Variants in PDLIM5 observed in about 807,000 individuals in gnomAD.
PDLIM5 encodes PDZ and LIM domain 5.
PDLIM5 carries 34 observed loss-of-function variants against 64.2 expected under a neutral mutation model. The observed-to-expected ratio is 0.53, with a 90% confidence interval of 0.40 to 0.71. The LOEUF is 0.71. Among genes scored for constraint, PDLIM5 ranks in the 30% least tolerant of loss-of-function variants. The probability of loss-of-function intolerance (pLI) is 0.00; values close to 1 mark genes in which losing one functional copy is unlikely to be tolerated. For synonymous variants in PDLIM5, 253 were observed against 269.1 expected, an observed-to-expected ratio of 0.94 and a Z score of 0.59; for missense variants, 683 against 733.6, an observed-to-expected ratio of 0.93 and a Z score of 0.80.
chr4:94,456,187 G>C (rs1723333531), intron 2 of PDLIM5: 2 of 441,206 alleles, frequency 4.5e-6, no homozygotes, highest in South Asian at 8.6e-5. Flanking sequence ...TTACTCAAAT[G>C]GTGGCATATT....
intron 9 of PDLIM5, among the ~76,000 whole-genome samples, chr4:94,652,558 C>T (rs1387353865): frequency 2.0e-5 from 3 of 152,082 alleles, no homozygotes; most frequent in Admixed American, 6.6e-5. Context: ...TGAAGGAACT[C>T]GTTGAATAGG....
Position 94,640,958 on chromosome 4 carries a change from T to C in PDLIM5, c.1283+508T>C, listed in dbSNP as rs536270839. ...ATGTTTTGAATGTTAGATTACGTAA[T>C]GACCTGCTTCTTTAAAATACGTTTT... On this transcript the variant is annotated intron_variant, in intron 9 of 12. Coordinates refer to ENST00000317968, the MANE Select transcript of PDLIM5 (RefSeq NM_006457.5). 4.6e-5 allele frequency among the ~76,000 whole-genome samples: 7 copies of C among 152,344 alleles called. No homozygotes were observed. In the East Asian group the frequency reaches 1.4e-3, roughly 29 times the overall value.
In PDLIM5 at chr4:94,664,446, C is replaced by A; in HGVS notation, c.*379C>A. 1 of 790,030 alleles carries A rather than the reference C, an allele frequency of 1.3e-6. No individual in the cohort carries two copies. The highest frequency in any genetic ancestry group is 1.5e-6 in the Non-Finnish European group (1 of 652,082). 48.9% of individuals were successfully genotyped at this position (790,030 alleles called of 1,614,324 possible). On this transcript the variant is annotated 3_prime_UTR_variant, in exon 13 of 13. Coordinates refer to ENST00000317968, the MANE Select transcript of PDLIM5 (RefSeq NM_006457.5). Reference sequence around the variant, plus strand: ...TAGTTATGAGTAAATCTGCAAAAGGCAATGAAAATGCCTTAAATTTTATCA... The same window carrying A: ...TAGTTATGAGTAAATCTGCAAAAGGAAATGAAAATGCCTTAAATTTTATCA...
intron 7 of PDLIM5, chr4:94,587,184 A>C: frequency 6.8e-7 from 1 of 1,479,302 alleles, no homozygotes; most frequent in Non-Finnish European, 8.9e-7. Flanking sequence ...CTTATGAAAA[A>C]ATAGAACTTT....
chr4:94,517,333 A>G (rs1729450357), intron 2 of PDLIM5, among the ~76,000 whole-genome samples: 1 of 152,210 alleles, frequency 6.6e-6, no homozygotes, highest in Non-Finnish European at 1.5e-5. Context: ...TATGTGGGAG[A>G]GAGATAACTA....
At chr4:94,622,934 G>T (rs533032647) in intron 8 of PDLIM5, among the ~76,000 whole-genome samples, 1 of 152,074 alleles carries the variant, frequency 6.6e-6, no homozygotes, top group Admixed American at 6.5e-5. Context: ...CTCCCAAAGT[G>T]CTGGGATTAC....
chr4:94,455,970 A>T (rs953270587), intron 2 of PDLIM5: 2 of 1,486,666 alleles, frequency 1.3e-6, no homozygotes, highest in South Asian at 1.3e-5. Flanking sequence ...GTTTGAATGT[A>T]TTCTGTGTAT....
rs150702370 is a variant in PDLIM5, at chr4:94,633,873, G to A, written c.1109-6403G>A. ...TCCAGGAAAGCTACATTGATAATACGGCCTTTGAGCAGAGACCAGAAGGAA... is the reference window on the plus strand; with the variant it reads ...TCCAGGAAAGCTACATTGATAATACAGCCTTTGAGCAGAGACCAGAAGGAA... On this transcript the variant is annotated intron_variant, in intron 8 of 12. Coordinates refer to ENST00000317968, the MANE Select transcript of PDLIM5 (RefSeq NM_006457.5). Among the ~76,000 whole-genome samples, 58 of 152,218 alleles carry A rather than the reference G, an allele frequency of 3.8e-4. No individual in the cohort carries two copies. In the South Asian group the frequency reaches 4.1e-3, roughly 11 times the overall value.
Position 94,477,421 on chromosome 4 carries a change from C to T in PDLIM5, c.96+22037C>T, listed in dbSNP as rs532519271. Among the ~76,000 whole-genome samples, 516 of 152,222 alleles carry T rather than the reference C, an allele frequency of 3.4e-3. 1 individual carries two copies. The highest frequency in any genetic ancestry group is 5.5e-3 in the Admixed American group (84 of 15,280). On this transcript the variant is annotated intron_variant, in intron 2 of 12. Coordinates refer to ENST00000317968, the MANE Select transcript of PDLIM5 (RefSeq NM_006457.5). ...CTTCTGTAACCTTACAGAACATTTT[C>T]TTGATTTGTGTGTTTAAATGTTCTT...
chr4:94,556,551 A>T (rs190953158), intron 3 of PDLIM5, among the ~76,000 whole-genome samples: 51 of 152,308 alleles, frequency 3.3e-4, no homozygotes, highest in Non-Finnish European at 1.5e-4. Context: ...GTTTCTCCCC[A>T]TCCTCTCTAG....
chr4:94,533,742 T>C (rs1422183178), intron 3 of PDLIM5, among the ~76,000 whole-genome samples: 1 of 152,226 alleles, frequency 6.6e-6, no homozygotes, highest in African/African-American at 2.4e-5. Context: ...CTTCAGTTAA[T>C]AAGTGAGTAT....
intron 2 of PDLIM5, among the ~76,000 whole-genome samples, chr4:94,494,432 G>GTTTTTTTTTT (rs61675663): frequency 8.5e-5 from 6 of 70,768 alleles, no homozygotes; most frequent in South Asian, 9.2e-4. Context: ...TTTTTTTCTT[G>GTTTTTTTTTT]TTTTTTTTTT....
intron 2 of PDLIM5, among the ~76,000 whole-genome samples, chr4:94,506,221 T>A (rs1578270145): frequency 6.6e-6 from 1 of 152,352 alleles, no homozygotes; most frequent in South Asian, 2.1e-4. Flanking sequence ...TTCAACGCCA[T>A]CATATTTAAA....
chr4:94,604,802 A>G (rs1281424389), intron 7 of PDLIM5, among the ~76,000 whole-genome samples: 1 of 152,244 alleles, frequency 6.6e-6, no homozygotes, highest in Non-Finnish European at 1.5e-5. Context: ...CGTACTTCAC[A>G]CTACTGACTG....
intron 3 of PDLIM5, among the ~76,000 whole-genome samples, chr4:94,535,490 G>A (rs974481564): frequency 6.6e-6 from 1 of 152,052 alleles, no homozygotes; most frequent in Non-Finnish European, 1.5e-5. Context: ...CTTGGTGAAC[G>A]GCCCCACCAT....
chr4:94,538,127 C>A (rs1311735180), intron 3 of PDLIM5, among the ~76,000 whole-genome samples: 2 of 152,136 alleles, frequency 1.3e-5, no homozygotes, highest in East Asian at 3.8e-4. Flanking sequence ...AAAATTTTTG[C>A]TTTATTAGTA....
intron 11 of PDLIM5, among the ~76,000 whole-genome samples, chr4:94,659,494 ATGTGTGTGTGTGTG>A (rs1163008328): frequency 1.5e-4 from 16 of 109,116 alleles, no homozygotes; most frequent in Middle Eastern, 4.1e-3. Flanking sequence ...ATATGTGTGT[ATGTGTGTGTGTGTG>A]TGTGTGTGTG....
At chr4:94,565,380 C>T (rs926730009) in intron 3 of PDLIM5, among the ~76,000 whole-genome samples, 12 of 152,184 alleles carry the variant, frequency 7.9e-5, no homozygotes, top group African/African-American at 1.7e-4. Context: ...AAGGAACCAT[C>T]GTAGTTATTT....
At chr4:94,537,257 C>G (rs1301118722) in intron 3 of PDLIM5, among the ~76,000 whole-genome samples, 1 of 152,090 alleles carries the variant, frequency 6.6e-6, no homozygotes, top group African/African-American at 2.4e-5. Flanking sequence ...CTGCCTTTAT[C>G]TTGGCTGTTC....
Sources: allele counts gnomAD v4.1 joint callset (sites outside exome capture counted in the v4.1 genomes callset), GRCh38; gene constraint gnomAD v4.1.1; transcripts MANE v1.5; gene names NCBI Gene and HGNC (gene_info 2026-07-23, HGNC 2026-07-21).